The following FNIP1 variants were observed in gnomAD, a reference collection of about 807,000 sequenced individuals.
FNIP1 encodes the protein folliculin interacting protein 1, also known as folliculin-interacting protein 1.
FNIP1 carries 40 observed loss-of-function variants against 124.5 expected under a neutral mutation model. The observed-to-expected ratio is 0.32, with a 90% CI of 0.25 to 0.42. The LOEUF (loss-of-function observed/expected upper bound fraction) is 0.42, where lower values mean the gene tolerates loss of function less well. Ranked by LOEUF, FNIP1 falls within the 10% of genes least tolerant of loss-of-function variation. FNIP1 has a pLI of 1.00. For missense variants in FNIP1, 1,176 were observed against 1,403.7 expected (o/e 0.84, Z 2.59); for synonymous variants, 472 against 470.6 (o/e 1.00, Z -0.04).
At chr5:131,780,087 T>C (rs1462508406) in intron 1 of FNIP1, among the ~76,000 whole-genome samples, 1 of 151,860 alleles carries the variant, frequency 6.6e-6, no homozygotes, top group Non-Finnish European at 1.5e-5. Flanking sequence ...TTTCAGGAAA[T>C]CCATGTAAGC....
Position 131,719,134 on chromosome 5 carries a change from T to C in FNIP1, c.456-74A>G, listed in dbSNP as rs1769569903. ...CTTTTGGATTTATTATAAATAAAAA[T>C]GTGTAAGTCACAGAGGTTTCACAGC... On this transcript the variant is annotated intron_variant, in intron 4 of 17. Transcript: ENST00000510461. The C allele has an allele frequency of 2.8e-6, 4 of 1,426,450 alleles. No individual in the cohort carries two copies. In the South Asian group the frequency reaches 4.7e-5, roughly 17 times the overall value. The allele number at this position is 1,426,450 out of a possible 1,614,324, so 88.4% of individuals were successfully genotyped here. A position where few individuals can be genotyped will look rare whatever the true frequency, so the allele number is the denominator to read the frequency against.
intron 15 of FNIP1, among the ~76,000 whole-genome samples, chr5:131,661,664 A>G (rs573345387): frequency 6.6e-6 from 1 of 152,268 alleles, no homozygotes; most frequent in Non-Finnish European, 1.5e-5. Context: ...GTTTTTGCCT[A>G]TGGTTCAATG....
chr5:131,673,452 G>A (rs1428288800), intron 13 of FNIP1, among the ~76,000 whole-genome samples: 1 of 152,106 alleles, frequency 6.6e-6, no homozygotes, highest in Non-Finnish European at 1.5e-5. Flanking sequence ...AGGGTTTTCT[G>A]GTTTCCTCTT....
At chr5:131,697,423 C>G (rs1768736516) in intron 11 of FNIP1, among the ~76,000 whole-genome samples, 1 of 152,012 alleles carries the variant, frequency 6.6e-6, no homozygotes, top group Non-Finnish European at 1.5e-5. Flanking sequence ...ACACGCCTGG[C>G]CCAGATACAT....
At chr5:131,665,899 CTT>C (rs11292297) in intron 15 of FNIP1, among the ~76,000 whole-genome samples, 2 of 122,960 alleles carry the variant, frequency 1.6e-5, no homozygotes, top group African/African-American at 4.5e-5. Flanking sequence ...TAAAATAATA[CTT>C]TTTTTTTTTT....
At chr5:131,771,689 C>T (rs3775991) in intron 1 of FNIP1, among the ~76,000 whole-genome samples, 97,339 of 151,388 alleles carry the variant, frequency 0.64, 32,995 homozygotes, top group Non-Finnish European at 0.77. Flanking sequence ...CTCTCCCTCT[C>T]CACGTCTACA....
intron 11 of FNIP1, among the ~76,000 whole-genome samples, chr5:131,681,553 T>C (rs1254494370): frequency 6.6e-6 from 1 of 151,296 alleles, no homozygotes. Flanking sequence ...GGAAGAAAAC[T>C]TTTAAACAAA....
chr5:131,686,274 C>CA (rs757744948), intron 11 of FNIP1, among the ~76,000 whole-genome samples: 1 of 152,178 alleles, frequency 6.6e-6, no homozygotes, highest in Non-Finnish European at 1.5e-5. Context: ...TTGTGTAAGA[C>CA]AAGGCTTATA....
At chr5:131,719,217 G>A in intron 4 of FNIP1, 100 bp downstream of exon 4, 1 of 1,206,148 alleles carries the variant, frequency 8.3e-7, no homozygotes, top group Non-Finnish European at 1.2e-6. Flanking sequence ...AATGGAGTAT[G>A]ACAAGCTCAA....
intron 2 of FNIP1, among the ~76,000 whole-genome samples, chr5:131,732,108 A>G (rs1387648410): frequency 6.6e-6 from 1 of 152,196 alleles, no homozygotes; most frequent in Non-Finnish European, 1.5e-5. Flanking sequence ...ACTGCTCACA[A>G]CTACCAAAGT....
intron 17 of FNIP1, 115 bp downstream of exon 17, chr5:131,646,975 C>T (rs1766902884): frequency 3.6e-6 from 3 of 836,654 alleles, no homozygotes; most frequent in Non-Finnish European, 5.9e-6. Flanking sequence ...TGATAACAGC[C>T]TCCAGCTTCT....
chr5:131,693,734 C>A (rs1204333646), intron 11 of FNIP1, among the ~76,000 whole-genome samples: 2 of 151,808 alleles, frequency 1.3e-5, no homozygotes, highest in Admixed American at 1.3e-4. Context: ...AGTTGGACTG[C>A]ATTAAAATTA....
intron 4 of FNIP1, 31 bp from the exon 5 acceptor site, chr5:131,719,091 A>G: frequency 6.3e-7 from 1 of 1,582,896 alleles, no homozygotes; most frequent in Non-Finnish European, 8.7e-7. Flanking sequence ...AGAGAGACCA[A>G]AACTAAAATA....
intron 3 of FNIP1, among the ~76,000 whole-genome samples, chr5:131,723,073 A>G (rs527488390): frequency 1.3e-5 from 2 of 152,340 alleles, no homozygotes; most frequent in East Asian, 3.9e-4. Flanking sequence ...AGATTTGGTT[A>G]AGATCAAATT....
At chr5:131,757,290 G>T (rs143042887) in intron 1 of FNIP1, among the ~76,000 whole-genome samples, 2 of 152,218 alleles carry the variant, frequency 1.3e-5, no homozygotes, top group Non-Finnish European at 2.9e-5. Flanking sequence ...TAAAGGTAGA[G>T]AATAAGAGAA....
chr5:131,664,957 T>A (rs936035500), intron 15 of FNIP1, among the ~76,000 whole-genome samples: 5 of 149,796 alleles, frequency 3.3e-5, no homozygotes, highest in Admixed American at 2.0e-4. Context: ...TATAAAATGA[T>A]ATGCTTGTGT....
In FNIP1 at chr5:131,753,971, G is replaced by A. The variant is rs183731173; in HGVS notation, c.93-9281C>T. Among the ~76,000 whole-genome samples the A allele has an allele frequency of 4.9e-3, 740 of 152,188 alleles. 5 individuals are homozygous for A. The highest frequency in any genetic ancestry group is 0.017 in the African/African-American group (700 of 41,524). On this transcript the variant is annotated intron_variant, in intron 1 of 17. Transcript: ENST00000510461. ...TGGGACTACAGGCACATGCCACCATGTCCAACTAATTTTTGTATTTTTAGT... is the reference window on the plus strand; with the variant it reads ...TGGGACTACAGGCACATGCCACCATATCCAACTAATTTTTGTATTTTTAGT...
intron 15 of FNIP1, among the ~76,000 whole-genome samples, chr5:131,664,634 CAAAAAAAAA>C (rs33956526): frequency 7.7e-5 from 6 of 77,456 alleles, no homozygotes; most frequent in Non-Finnish European, 1.4e-4. Context: ...GACCCTGTCT[CAAAAAAAAA>C]AAAAAAAAAA....
intron 16 of FNIP1, among the ~76,000 whole-genome samples, chr5:131,650,268 T>C (rs1056822366): frequency 6.6e-6 from 1 of 152,156 alleles, no homozygotes; most frequent in African/African-American, 2.4e-5. Context: ...AGTGCTTTCA[T>C]TTATATATGT....
Sources: gnomAD v4.1 joint callset for allele counts (sites outside exome capture counted in the v4.1 genomes callset) on GRCh38, gnomAD v4.1.1 for gene constraint, MANE v1.5 for transcripts, NCBI Gene and HGNC (gene_info 2026-07-23, HGNC 2026-07-21) for gene names.